MME: variants seen among roughly 807,000 people sequenced by gnomAD.
MME encodes the protein membrane metalloendopeptidase.
In MME, 98 loss-of-function variants were observed where a neutral mutation model predicts 113.2. That is an observed-to-expected ratio of 0.87 (90% confidence interval 0.74 to 1.02). MME has a LOEUF of 1.02. Ranked by LOEUF, MME falls within the 50% of genes least tolerant of loss-of-function variation. The pLI is 0.00. For missense variants in MME, 836 were observed against 896.0 expected (o/e 0.93, Z 0.86); for synonymous variants, 292 against 300.6 (o/e 0.97, Z 0.30).
intron 1 of MME, among the ~76,000 whole-genome samples, chr3:155,063,980 G>T (rs1326968049): frequency 1.4e-5 from 2 of 147,210 alleles, no homozygotes; most frequent in Non-Finnish European, 2.9e-5. Flanking sequence ...AATCTGATAG[G>T]ACTAATCCTC....
At chr3:155,028,524 C>T (rs920233251) in intron 1 of MME, among the ~76,000 whole-genome samples, 2 of 152,096 alleles carry the variant, frequency 1.3e-5, no homozygotes, top group African/African-American at 2.4e-5. Context: ...CACATTTCTA[C>T]GTTTATGTCT....
At chr3:155,106,042 A>G (rs1166581816) in intron 3 of MME, among the ~76,000 whole-genome samples, 2 of 152,214 alleles carry the variant, frequency 1.3e-5, no homozygotes, top group African/African-American at 4.8e-5. Flanking sequence ...TAAATTAGTC[A>G]CATGTATATA....
intron 1 of MME, among the ~76,000 whole-genome samples, chr3:155,074,382 T>C (rs1714676319): frequency 6.6e-6 from 1 of 152,128 alleles, no homozygotes; most frequent in Non-Finnish European, 1.5e-5. Flanking sequence ...TCACTTCCGT[T>C]ATGATTTGCT....
Position 155,115,253 on chromosome 3 carries a change from G to T in MME, c.358+98G>T, listed in dbSNP as rs1479327338. 2.7e-5 allele frequency: 40 copies of T among 1,457,538 alleles called. 1 individual carries two copies. In the South Asian group the frequency reaches 4.0e-4, roughly 14 times the overall value. 90.3% of individuals were successfully genotyped at this position (1,457,538 alleles called of 1,614,324 possible). ...AGCCATTACAAGGAATGTCACAGAA[G>T]ATTAAAAAGTTAATAATCCTTCCAG... On this transcript the variant is annotated intron_variant, in intron 4 of 22. Transcript: ENST00000360490.
chr3:155,107,142 T>A (rs561032062), intron 3 of MME, among the ~76,000 whole-genome samples: 1 of 152,020 alleles, frequency 6.6e-6, no homozygotes, highest in East Asian at 1.9e-4. Flanking sequence ...GATCACGAGG[T>A]CAGGAGTTTG....
intron 1 of MME, among the ~76,000 whole-genome samples, chr3:155,038,002 A>G (rs1203580916): frequency 3.3e-5 from 5 of 152,166 alleles, no homozygotes; most frequent in African/African-American, 1.2e-4. Flanking sequence ...GTAATGAAAC[A>G]GATAGTCTAA....
chr3:155,109,495 A>G (rs1399088071), intron 3 of MME, among the ~76,000 whole-genome samples: 1 of 152,204 alleles, frequency 6.6e-6, no homozygotes, highest in Non-Finnish European at 1.5e-5. Context: ...ACTGCAAAAC[A>G]TAGGTTGCCA....
intron 1 of MME, among the ~76,000 whole-genome samples, chr3:155,038,219 A>C (rs1212519047): frequency 6.6e-6 from 1 of 152,182 alleles, no homozygotes; most frequent in Non-Finnish European, 1.5e-5. Context: ...AGACTCCAAA[A>C]TGCTTGTAAA....
rs193157241 is a variant in MME at position 155,045,914 on chromosome 3, T to C, written c.-11+21590T>C. On this transcript the variant is annotated intron_variant, in intron 1 of 22. Transcript: ENST00000492661. ...GATAGTATTAGATTTATCTGTTCAT[T>C]ATAATTCAGTCAAAAGTATTTTCTG... Among the ~76,000 whole-genome samples, 4 of 152,346 alleles carry C rather than the reference T, an allele frequency of 2.6e-5. No homozygotes were observed. In the East Asian group the frequency reaches 7.7e-4, roughly 29 times the overall value.
chr3:155,151,401 C>T (rs1457436845), intron 16 of MME, among the ~76,000 whole-genome samples: 1 of 152,124 alleles, frequency 6.6e-6, no homozygotes, highest in Non-Finnish European at 1.5e-5. Context: ...TTCAATTAGC[C>T]AAATAGTAAA....
chr3:155,168,544 T>C lies in MME; in HGVS notation c.1833T>C (p.Ser611=). 8 of 1,613,484 alleles carry C rather than the reference T, an allele frequency of 5.0e-6. No individual in the cohort carries two copies. The highest frequency in any genetic ancestry group is 6.8e-6 in the Non-Finnish European group (8 of 1,179,530). ...TCGTTGACTGGTGGACTCAACAGTCTGCAAGTAACTTTAAGGAGCAATCCC... is the reference window on the plus strand; with the variant it reads ...TCGTTGACTGGTGGACTCAACAGTCCGCAAGTAACTTTAAGGAGCAATCCC... ...GDLVDWWTQQ[S]ASNFKEQSQC... The change falls in exon 19 of 23, where the codon TCT becomes TCC. Residue 611 remains serine (S), a synonymous_variant. Transcript: ENST00000360490.
chr3:155,063,486 T>G (rs372395032), intron 1 of MME, among the ~76,000 whole-genome samples: 1 of 55,604 alleles, frequency 1.8e-5, no homozygotes, highest in East Asian at 4.3e-4. Context: ...TATTATTTTA[T>G]ATATATATAT....
At chr3:155,082,669 T>C (rs1715258320) in intron 1 of MME, among the ~76,000 whole-genome samples, 1 of 152,208 alleles carries the variant, frequency 6.6e-6, no homozygotes, top group African/African-American at 2.4e-5. Context: ...TATTTTTATT[T>C]GATAGTCTGT....
At chr3:155,029,479 A>T (rs1269141710) in intron 1 of MME, among the ~76,000 whole-genome samples, 2 of 151,906 alleles carry the variant, frequency 1.3e-5, no homozygotes, top group Admixed American at 1.3e-4. Flanking sequence ...TTTTCTAAAG[A>T]TAAATCTTTT....
At chr3:155,056,111 G>A (rs1232284988) in intron 1 of MME, among the ~76,000 whole-genome samples, 3 of 151,986 alleles carry the variant, frequency 2.0e-5, no homozygotes, top group Non-Finnish European at 4.4e-5. Flanking sequence ...AATTCTACCT[G>A]CAGCACTCCA....
At chr3:155,042,068 G>T (rs1022016828) in intron 1 of MME, among the ~76,000 whole-genome samples, 2 of 152,066 alleles carry the variant, frequency 1.3e-5, no homozygotes, top group African/African-American at 2.4e-5. Flanking sequence ...TTTCAATTTA[G>T]GGTTTTACAG....
chr3:155,167,580 A>G (rs1424495187), intron 18 of MME, among the ~76,000 whole-genome samples: 3 of 152,206 alleles, frequency 2.0e-5, no homozygotes, highest in Non-Finnish European at 4.4e-5. Flanking sequence ...AAGACGTGAA[A>G]TATGTAAAGA....
In MME at chr3:155,100,650, A is replaced by G. The variant is rs16846958; in HGVS notation, c.197-14344A>G. On this transcript the variant is annotated intron_variant, in intron 3 of 22. Transcript: ENST00000360490. ...AGGATCTGACAATATGTTGAGAAGA[A>G]ATGATGCACATGAAACCTTGAAAGT... is the stretch of plus-strand genomic sequence containing the variant. 3.4e-3 allele frequency among the ~76,000 whole-genome samples: 517 copies of G among 152,350 alleles called. 1 individual carries two copies. The highest frequency in any genetic ancestry group is 0.012 in the African/African-American group (493 of 41,576).
intron 3 of MME, among the ~76,000 whole-genome samples, chr3:155,107,301 C>T (rs1168709332): frequency 1.4e-5 from 2 of 147,626 alleles, no homozygotes; most frequent in Non-Finnish European, 3.0e-5. Context: ...TGCAGTGAGC[C>T]GAGATCGTGC....
Sources: gnomAD v4.1 joint callset for allele counts (sites outside exome capture counted in the v4.1 genomes callset) on GRCh38, gnomAD v4.1.1 for gene constraint, MANE v1.5 for transcripts, NCBI Gene and HGNC (gene_info 2026-07-23, HGNC 2026-07-21) for gene names.